Variants in TIAM1 observed in about 807,000 individuals in gnomAD.
TIAM1 encodes the protein rho guanine nucleotide exchange factor TIAM1.
TIAM1 carries 65 observed loss-of-function variants against 163.5 expected under a neutral mutation model. That is an observed-to-expected ratio of 0.40 (90% CI 0.33 to 0.49). The LOEUF (loss-of-function observed/expected upper bound fraction) is 0.49, where lower values mean the gene tolerates loss of function less well. TIAM1 is among the 20% of genes least tolerant of loss of function. The pLI is 0.77. For synonymous variants in TIAM1, 833 were observed against 810.1 expected, an observed-to-expected ratio of 1.03 and a Z score of -0.48; for missense variants, 1,789 against 2,044.7, an observed-to-expected ratio of 0.87 and a Z score of 2.41.
At position 31,119,077 on chromosome 21, in the gene TIAM1, T is replaced by C. The variant is rs2081907408; in HGVS notation, c.*1291A>G. The C allele has an allele frequency of 1.3e-5, 2 of 149,736 alleles. No individual in the cohort carries two copies. The highest frequency in any genetic ancestry group is 2.9e-5 in the Non-Finnish European group (2 of 67,824). The allele number at this position is 149,736 out of a possible 1,614,324, so 9.3% of individuals were successfully genotyped here. ...TTCTTAGGAAGTGGACATTGTGACA[T>C]GGGAAAAGAAAAAGCTATAAACCTT... On this transcript the variant is annotated 3_prime_UTR_variant, in exon 28 of 28. Transcript: ENST00000541036.
chr21:31,341,165 CCAAA>C (rs900965236), intron 1 of TIAM1, among the ~76,000 whole-genome samples: 68 of 152,226 alleles, frequency 4.5e-4, no homozygotes, highest in African/African-American at 1.1e-3. Context: ...CTACTTTGTG[CCAAA>C]CAAAGGATAG....
At position 31,120,890 on chromosome 21, in the gene TIAM1, G is replaced by C. The variant is rs2081978260; in HGVS notation, c.4307-53C>G. The stretch of plus-strand genomic sequence containing the variant: ...TAAAACCCCCACATGCTTTACGTGA[G>C]ATGAAAATCCAGAAAGCAAAGGACA... On this transcript the variant is annotated intron_variant, in intron 27 of 27. Transcript: ENST00000541036. The surrounding 1 kb of genome is among the most constrained non-coding windows in gnomAD (Gnocchi z 4.2). The C allele has an allele frequency of 1.4e-6, 2 of 1,475,572 alleles. No individual in the cohort carries two copies. Among genetic ancestry groups the C allele is most frequent in the Non-Finnish European group, 1.8e-6 (2 of 1,108,634 alleles). 91.4% of individuals were successfully genotyped at this position (1,475,572 alleles called of 1,614,324 possible).
chr21:31,427,463 G>C (rs532349978), intron 2 of TIAM1, among the ~76,000 whole-genome samples: 48 of 152,000 alleles, frequency 3.2e-4, no homozygotes, highest in African/African-American at 1.1e-3. Context: ...CTCCAGCCTG[G>C]GGGACAGAGC....
intron 1 of TIAM1, among the ~76,000 whole-genome samples, chr21:31,489,369 AGAGGAGGAGGAGGAGGAGGAG>A (rs2046380054): frequency 9.1e-5 from 2 of 22,066 alleles, no homozygotes; most frequent in African/African-American, 2.0e-4. Flanking sequence ...GTTGGGGGGG[AGAGGAGGAGGAGGAGGAGGAG>A]AGGGAGGGGA....
At chr21:31,523,257 T>C (rs542694314) in intron 1 of TIAM1, among the ~76,000 whole-genome samples, 68 of 152,308 alleles carry the variant, frequency 4.5e-4, no homozygotes, top group Middle Eastern at 3.4e-3. Context: ...GGGTGCAATT[T>C]TCACTAAATA....
intron 2 of TIAM1, among the ~76,000 whole-genome samples, chr21:31,312,327 A>T (rs2074959789): frequency 6.6e-6 from 1 of 152,170 alleles, no homozygotes; most frequent in African/African-American, 2.4e-5. Context: ...GGTTCCTAAT[A>T]ATGACCCCCT....
Position 31,245,581 on chromosome 21 carries a change from C to A in TIAM1, c.1491G>T (p.Val497=), listed in dbSNP as rs1445284186. Residue 497 remains valine (V), a synonymous_variant, in exon 6 of 28, where the codon GTG becomes GTT. Transcript: ENST00000541036. The stretch of plus-strand genomic sequence containing the variant: ...GCACCGCCTGCACAATGCTGTTCTC[C>A]ACCCAGACGGCGTGTTTGGGGATGC... ...HNSIPKHAVW[V]ENSIVQAVPE... The A allele has an allele frequency of 1.2e-6, 2 of 1,609,170 alleles. No homozygotes were observed. The highest frequency in any genetic ancestry group is 3.3e-4 in the Middle Eastern group (2 of 6,052).
At chr21:31,334,180 A>G (rs1248556125) in intron 2 of TIAM1, among the ~76,000 whole-genome samples, 1 of 152,060 alleles carries the variant, frequency 6.6e-6, no homozygotes, top group African/African-American at 2.4e-5. Flanking sequence ...CGAAAAATCC[A>G]TTTTATTTTC....
intron 1 of TIAM1, among the ~76,000 whole-genome samples, chr21:31,512,932 C>T (rs149654820): frequency 3.9e-5 from 6 of 152,156 alleles, no homozygotes; most frequent in African/African-American, 7.2e-5. Flanking sequence ...GCACGACACA[C>T]GGCACCCAGC....
chr21:31,477,624 G>A (rs1321154814), intron 1 of TIAM1, among the ~76,000 whole-genome samples: 8 of 151,974 alleles, frequency 5.3e-5, no homozygotes, highest in Admixed American at 2.0e-4. Context: ...ATAGGTGCAC[G>A]CCACCACGCC....
At chr21:31,219,634 C>T (rs974598086) in intron 8 of TIAM1, among the ~76,000 whole-genome samples, 4 of 152,120 alleles carry the variant, frequency 2.6e-5, no homozygotes, top group African/African-American at 4.8e-5. Flanking sequence ...GGCTTCTCTA[C>T]AAGGGTATTA....
chr21:31,409,746 G>GA (rs1325281033), intron 2 of TIAM1, among the ~76,000 whole-genome samples: 1 of 152,152 alleles, frequency 6.6e-6, no homozygotes, highest in African/African-American at 2.4e-5. Flanking sequence ...TGGGCTGGAG[G>GA]AAAAAAATCC....
upstream of TIAM1, among the ~76,000 whole-genome samples, chr21:31,345,070 C>T (rs1258433465): frequency 6.6e-6 from 1 of 152,108 alleles, no homozygotes; most frequent in African/African-American, 2.4e-5. Context: ...CTTTAAATGA[C>T]CTCAGGTTAA....
At chr21:31,123,407 G>T (rs770045943) in intron 27 of TIAM1, among the ~76,000 whole-genome samples, 1 of 152,172 alleles carries the variant, frequency 6.6e-6, no homozygotes. Flanking sequence ...GCATATGGAC[G>T]TATGAAAGAC....
intron 1 of TIAM1, among the ~76,000 whole-genome samples, chr21:31,466,703 G>C (rs1180928317): frequency 6.6e-6 from 1 of 152,134 alleles, no homozygotes; most frequent in Non-Finnish European, 1.5e-5. Flanking sequence ...AGTTGTAGCT[G>C]GTGCCCAGTA....
chr21:31,229,635 G>A lies in TIAM1; in HGVS notation c.1585-3685C>T, dbSNP rs560355168. On this transcript the variant is annotated intron_variant, in intron 6 of 27. Coordinates refer to ENST00000541036, the MANE Select transcript of TIAM1 (RefSeq NM_001353694.2). Reference sequence around the variant, plus strand: ...AAATGAGGAGCTTTTAGATTTTAGGGGAGTTCGTGTCTTCACCCCCCCTTT... The same window carrying A: ...AAATGAGGAGCTTTTAGATTTTAGGAGAGTTCGTGTCTTCACCCCCCCTTT... Among the ~76,000 whole-genome samples the A allele has an allele frequency of 5.3e-5, 8 of 151,138 alleles. No individual in the cohort carries two copies. In the East Asian group the frequency reaches 5.8e-4, roughly 11 times the overall value.
chr21:31,405,684 C>T (rs2077234697), intron 2 of TIAM1, among the ~76,000 whole-genome samples: 1 of 152,136 alleles, frequency 6.6e-6, no homozygotes, highest in Non-Finnish European at 1.5e-5. Flanking sequence ...ACCATCAGAT[C>T]TCATGAGACC....
chr21:31,308,597 G>A (rs1298917919), intron 2 of TIAM1, among the ~76,000 whole-genome samples: 1 of 152,084 alleles, frequency 6.6e-6, no homozygotes, highest in East Asian at 1.9e-4. Context: ...CTGGCACATT[G>A]TATGCACGCA....
intron 11 of TIAM1, among the ~76,000 whole-genome samples, chr21:31,207,168 AT>A (rs751560023): frequency 3.3e-5 from 5 of 152,252 alleles, no homozygotes; most frequent in Non-Finnish European, 7.3e-5. Context: ...AACGATCAGA[AT>A]ATATCCAAAA....
Sources: gnomAD v4.1 joint callset for allele counts (sites outside exome capture counted in the v4.1 genomes callset) on GRCh38, gnomAD v4.1.1 for gene constraint, Gnocchi (gnomAD v3.1) non-coding constraint, MANE v1.5 for transcripts, NCBI Gene and HGNC (gene_info 2026-07-23, HGNC 2026-07-21) for gene names.